The following DTNBP1 variants were observed in gnomAD, a reference collection of about 807,000 sequenced individuals.
DTNBP1 encodes the protein dysbindin.
Under a neutral mutation model 42.8 loss-of-function variants are expected in DTNBP1, and 35 were observed. The observed-to-expected ratio is 0.82, with a 90% CI of 0.63 to 1.09. DTNBP1 has a LOEUF of 1.09. Ranked by LOEUF, DTNBP1 falls within the 50% of genes least tolerant of loss-of-function variation. The pLI is 0.00. For synonymous variants in DTNBP1, 171 were observed against 162.2 expected (o/e 1.05, Z -0.41); for missense variants, 457 against 424.2 (o/e 1.08, Z -0.68).
At chr6:15,595,114 C>T (rs1478054000) in intron 6 of DTNBP1, 1 of 456,282 alleles carries the variant, frequency 2.2e-6, no homozygotes, top group Admixed American at 2.4e-5. Context: ...ACCCACAACT[C>T]CACAACTGTC....
At chr6:15,584,369 C>T (rs1775968549) in intron 7 of DTNBP1, among the ~76,000 whole-genome samples, 1 of 152,034 alleles carries the variant, frequency 6.6e-6, no homozygotes, top group South Asian at 2.1e-4. Context: ...TGTCATTTAT[C>T]ATACATTCCC....
At chr6:15,623,355 T>C (rs1467159113) in intron 5 of DTNBP1, among the ~76,000 whole-genome samples, 1 of 152,216 alleles carries the variant, frequency 6.6e-6, no homozygotes, top group Non-Finnish European at 1.5e-5. Context: ...ACGGCTGCTA[T>C]TCTCTTATAT....
At chr6:15,557,984 G>C (rs200832805) in intron 7 of DTNBP1, among the ~76,000 whole-genome samples, 1 of 151,878 alleles carries the variant, frequency 6.6e-6, no homozygotes, top group African/African-American at 2.4e-5. Context: ...AGGAAGCATT[G>C]TTAAATATGA....
At position 15,610,917 on chromosome 6, in the gene DTNBP1, T is replaced by C. The variant is rs1263292962; in HGVS notation, c.488+4350A>G. Among the ~76,000 whole-genome samples the C allele has an allele frequency of 2.0e-5, 3 of 152,230 alleles. 1 individual carries two copies. Among genetic ancestry groups the C allele is most frequent in the Non-Finnish European group, 4.4e-5 (3 of 68,044 alleles). ...GCAAAGTGCAAGGTGAAGCAGCAAG[T>C]GCTGATGTAAAAGCTGCAGCAGCTT... is the stretch of plus-strand genomic sequence containing the variant. On this transcript the variant is annotated intron_variant, in intron 6 of 9. Transcript: ENST00000344537.
rs372305489 is a variant in DTNBP1 at position 15,627,802 on chromosome 6, AC to A, written c.223-328del. 6.0e-5 allele frequency among the ~76,000 whole-genome samples: 9 copies of A among 151,066 alleles called. No homozygotes were observed. The East Asian group carries it at 1.4e-3, about 23-fold the overall frequency. Reference sequence around the variant, plus strand: ...AAAGCTAAATCTAGAAAAAAAAAAAACAAAAACAAAAAACTACCACTAACAA... The same window carrying A: ...AAAGCTAAATCTAGAAAAAAAAAAAAAAAAACAAAAAACTACCACTAACAA... On this transcript the variant is annotated intron_variant, in intron 4 of 9. Coordinates refer to ENST00000344537, the MANE Select transcript of DTNBP1 (RefSeq NM_032122.5).
intron 1 of DTNBP1, among the ~76,000 whole-genome samples, chr6:15,658,977 G>A (rs1761435922): frequency 6.6e-6 from 1 of 152,118 alleles, no homozygotes; most frequent in Non-Finnish European, 1.5e-5. Context: ...TCTCAAGGTT[G>A]ACATAATTGT....
chr6:15,542,263 T>C (rs1469513277), intron 7 of DTNBP1, among the ~76,000 whole-genome samples: 1 of 152,244 alleles, frequency 6.6e-6, no homozygotes, highest in Non-Finnish European at 1.5e-5. Context: ...AAGCTGTTTT[T>C]TGATAAAAAC....
intron 6 of DTNBP1, among the ~76,000 whole-genome samples, chr6:15,593,780 T>C (rs1776393753): frequency 6.6e-6 from 1 of 152,232 alleles, no homozygotes; most frequent in African/African-American, 2.4e-5. Flanking sequence ...GTTACGTATT[T>C]TTTTTCCTCA....
chr6:15,648,367 G>A (rs1036781837), intron 3 of DTNBP1, among the ~76,000 whole-genome samples: 6 of 151,904 alleles, frequency 3.9e-5, no homozygotes, highest in Non-Finnish European at 7.4e-5. Context: ...TTTCCACTTC[G>A]ATTCAACACA....
intron 7 of DTNBP1, among the ~76,000 whole-genome samples, chr6:15,557,985 T>C (rs1323534620): frequency 6.6e-6 from 1 of 152,042 alleles, no homozygotes; most frequent in East Asian, 1.9e-4. Flanking sequence ...GGAAGCATTG[T>C]TAAATATGAA....
At chr6:15,598,919 TA>T (rs1239243658) in intron 6 of DTNBP1, among the ~76,000 whole-genome samples, 2 of 152,188 alleles carry the variant, frequency 1.3e-5, no homozygotes, top group Non-Finnish European at 2.9e-5. Flanking sequence ...ATAAATTGTA[TA>T]TATCTATTTT....
At chr6:15,529,888 G>A (rs935734664) in intron 8 of DTNBP1, among the ~76,000 whole-genome samples, 32 of 151,834 alleles carry the variant, frequency 2.1e-4, no homozygotes, top group Admixed American at 9.2e-4. Flanking sequence ...TGTGGGGCAT[G>A]TGGTGGGGCC....
At chr6:15,626,144 T>C (rs1008493769) in intron 5 of DTNBP1, among the ~76,000 whole-genome samples, 1 of 152,208 alleles carries the variant, frequency 6.6e-6, no homozygotes, top group Non-Finnish European at 1.5e-5. Context: ...ATCAATGTGG[T>C]TGGAATCCTA....
At chr6:15,577,215 A>G (rs2113554355) in intron 7 of DTNBP1, among the ~76,000 whole-genome samples, 1 of 152,320 alleles carries the variant, frequency 6.6e-6, no homozygotes, top group Non-Finnish European at 1.5e-5. Context: ...GCAGCAGAGG[A>G]GCCAAGGCCA....
chr6:15,576,478 T>C (rs1486390854), intron 7 of DTNBP1, among the ~76,000 whole-genome samples: 1 of 151,628 alleles, frequency 6.6e-6, no homozygotes, highest in East Asian at 1.9e-4. Context: ...CCATTTATAA[T>C]AATAAATGTA....
At chr6:15,583,882 T>A (rs1284012119) in intron 7 of DTNBP1, among the ~76,000 whole-genome samples, 2 of 152,188 alleles carry the variant, frequency 1.3e-5, no homozygotes, top group Admixed American at 1.3e-4. Context: ...TGATGCTCTA[T>A]TTTTATGTAG....
At chr6:15,633,548 G>A (rs1759816321) in intron 4 of DTNBP1, among the ~76,000 whole-genome samples, 6 of 152,232 alleles carry the variant, frequency 3.9e-5, no homozygotes, top group Admixed American at 3.9e-4. Context: ...GCTTGAAGAT[G>A]TGACTGAATT....
chr6:15,535,983 T>C (rs77409727), intron 7 of DTNBP1, among the ~76,000 whole-genome samples: 6,398 of 152,276 alleles, frequency 0.042, 174 homozygotes, highest in African/African-American at 0.063. Context: ...TGTGGAACCT[T>C]GAACTTGAGA....
chr6:15,560,499 A>C (rs1048947457), intron 7 of DTNBP1, among the ~76,000 whole-genome samples: 1 of 152,230 alleles, frequency 6.6e-6, no homozygotes. Flanking sequence ...AATTATTTGC[A>C]TAAGTACAGT....
Sources: allele counts gnomAD v4.1 joint callset (sites outside exome capture counted in the v4.1 genomes callset), GRCh38; gene constraint gnomAD v4.1.1; transcripts MANE v1.5; gene names NCBI Gene and HGNC (gene_info 2026-07-23, HGNC 2026-07-21).